TNKS: variants seen among roughly 807,000 people sequenced by gnomAD.
The protein encoded by TNKS is poly [ADP-ribose] polymerase tankyrase-1.
TNKS carries 72 observed loss-of-function variants against 135.8 expected under a neutral mutation model. The observed-to-expected ratio is 0.53, with a 90% CI of 0.44 to 0.64. The LOEUF (loss-of-function observed/expected upper bound fraction) is 0.64, where lower values mean the gene tolerates loss of function less well. Among genes scored for constraint, TNKS ranks in the 30% least tolerant of loss-of-function variants. TNKS has a pLI of 0.00. For synonymous variants in TNKS, 849 were observed against 649.3 expected (o/e 1.31, Z -4.68); for missense variants, 1,769 against 1,674.0 (o/e 1.06, Z -0.99).
intron 1 of TNKS, among the ~76,000 whole-genome samples, chr8:9,567,593 A>G (rs1446144773): frequency 2.0e-5 from 3 of 151,902 alleles, no homozygotes; most frequent in Non-Finnish European, 4.4e-5. Flanking sequence ...TTTTTTTTGT[A>G]TTTTTAGTAG....
In TNKS at chr8:9,779,044, G is replaced by A. The variant is rs1808357116; in HGVS notation, c.*2308G>A. 1 of 152,368 alleles carries A rather than the reference G, an allele frequency of 6.6e-6. No individual in the cohort carries two copies. The highest frequency in any genetic ancestry group is 1.5e-5 in the Non-Finnish European group (1 of 68,044). 9.4% of individuals were successfully genotyped at this position (152,368 alleles called of 1,614,324 possible). A position where few individuals can be genotyped will look rare whatever the true frequency, so the allele number is the denominator to read the frequency against. ...CTCATGCTCTGTGTGCCAGGTGAAG[G>A]TACTGTGTAAGGAAGACATTTGCGG... is the stretch of plus-strand genomic sequence containing the variant. On this transcript the variant is annotated 3_prime_UTR_variant, in exon 27 of 27. Coordinates refer to ENST00000310430, the MANE Select transcript of TNKS (RefSeq NM_003747.3).
intron 2 of TNKS, among the ~76,000 whole-genome samples, chr8:9,590,639 T>TG (rs1483316509): frequency 1.3e-5 from 2 of 152,206 alleles, no homozygotes; most frequent in African/African-American, 2.4e-5. Flanking sequence ...AACCTCAGTG[T>TG]GGTTTTAATT....
intron 2 of TNKS, among the ~76,000 whole-genome samples, chr8:9,600,456 G>A (rs1404000124): frequency 6.6e-6 from 1 of 151,978 alleles, no homozygotes; most frequent in African/African-American, 2.4e-5. Flanking sequence ...TGGGAGTACA[G>A]GTGCACACCA....
chr8:9,731,495 T>C (rs946155436), intron 14 of TNKS, among the ~76,000 whole-genome samples: 1 of 148,200 alleles, frequency 6.7e-6, no homozygotes, highest in Non-Finnish European at 1.5e-5. Flanking sequence ...CATAGAAATG[T>C]ACAGTATAGA....
chr8:9,564,106 A>T (rs1563381273), intron 1 of TNKS, among the ~76,000 whole-genome samples: 1 of 152,090 alleles, frequency 6.6e-6, no homozygotes, highest in Non-Finnish European at 1.5e-5. Context: ...CCTATGAGAC[A>T]TTTTTTCAGG....
rs1276453859 is a variant in TNKS, at chr8:9,781,880, G to C, written c.*5144G>C. The C allele has an allele frequency of 3.9e-5, 6 of 152,386 alleles. No homozygotes were observed. Among genetic ancestry groups the C allele is most frequent in the Admixed American group, 1.3e-4 (2 of 15,254 alleles). The allele number at this position is 152,386 out of a possible 1,614,324, so 9.4% of individuals were successfully genotyped here. A position where few individuals can be genotyped will look rare whatever the true frequency, so the allele number is the denominator to read the frequency against. ...TACAACCCCCTCTCCTTTCTTTTTT[G>C]TATTTATCTATTTGTAGGATTGTCA... is the stretch of plus-strand genomic sequence containing the variant. On this transcript the variant is annotated 3_prime_UTR_variant, in exon 27 of 27. Transcript: ENST00000310430.
chr8:9,650,584 CAT>C (rs765395301), intron 3 of TNKS, among the ~76,000 whole-genome samples: 6 of 152,142 alleles, frequency 3.9e-5, no homozygotes, highest in East Asian at 3.9e-4. Flanking sequence ...AGCATTTTTT[CAT>C]ATGTTTGTTG....
chr8:9,763,157 T>C lies in TNKS; in HGVS notation c.3285T>C (p.Pro1095=). 6.3e-7 allele frequency: 1 copy of C among 1,595,482 alleles called. No homozygotes were observed. The highest frequency in any genetic ancestry group is 8.6e-7 in the Non-Finnish European group (1 of 1,168,790). ...TTTTCTCTCCGACAGGCACCAATCC[T>C]TATTTGACTTTTCACTGTGTTAATC... ...RLLGGQQGTN[P]YLTFHCVNQG... Residue 1095 remains proline (P), a synonymous_variant, in exon 22 of 27, where the codon CCT becomes CCC. Coordinates refer to ENST00000310430, the MANE Select transcript of TNKS (RefSeq NM_003747.3).
chr8:9,767,224 CA>C (rs1345545945), intron 25 of TNKS, among the ~76,000 whole-genome samples: 1 of 152,082 alleles, frequency 6.6e-6, no homozygotes. Context: ...TAATAGCAAA[CA>C]AATGAATATT....
intron 7 of TNKS, 94 bp downstream of exon 7, chr8:9,706,347 G>A (rs1419218110): frequency 9.8e-7 from 1 of 1,016,588 alleles, no homozygotes; most frequent in Non-Finnish European, 1.4e-6. Flanking sequence ...ATGAAAGTTT[G>A]TTTAGTTCTT....
Position 9,748,152 on chromosome 8 carries a change from G to A in TNKS, c.2772G>A (p.Ala924=), listed in dbSNP as rs772935696. 1.9e-5 allele frequency: 30 copies of A among 1,613,874 alleles called. No individual in the cohort carries two copies. The highest frequency in any genetic ancestry group is 8.3e-5 in the Admixed American group (5 of 59,976). Residue 924 remains alanine, a synonymous_variant, in exon 18 of 27, where the codon GCG becomes GCA. Transcript: ENST00000310430. The part of the protein sequence containing the change: ...GRTQLCALLL[A]HGADPTMKNQ... ...CGCAGCTGTGCGCCCTCCTCCTAGC[G>A]CATGGTGCAGACCCCACCATGAAGA...
At chr8:9,639,760 G>C (rs1800653391) in intron 3 of TNKS, among the ~76,000 whole-genome samples, 1 of 152,084 alleles carries the variant, frequency 6.6e-6, no homozygotes, top group South Asian at 2.1e-4. Context: ...AAGTGTATTA[G>C]GGTGAAAGGG....
chr8:9,590,198 C>T (rs541605835), intron 2 of TNKS, among the ~76,000 whole-genome samples: 2 of 152,090 alleles, frequency 1.3e-5, no homozygotes, highest in African/African-American at 4.8e-5. Flanking sequence ...GTCTGGCTCC[C>T]GTCTACATCA....
intron 1 of TNKS, among the ~76,000 whole-genome samples, chr8:9,576,556 C>T (rs943155160): frequency 6.6e-6 from 1 of 151,158 alleles, no homozygotes; most frequent in South Asian, 2.1e-4. Flanking sequence ...CTGCAAGCTC[C>T]ACCTCCCTGT....
intron 26 of TNKS, 37 bp downstream of exon 26, chr8:9,770,299 A>C: frequency 6.3e-7 from 1 of 1,585,220 alleles, no homozygotes; most frequent in Non-Finnish European, 8.6e-7. Flanking sequence ...CCAAGTTCAC[A>C]AACATGTCAA....
In TNKS at chr8:9,765,721, G is replaced by A. The variant is rs1807400428; in HGVS notation, c.3477G>A (p.Arg1159=). Residue 1159 remains arginine (R), a synonymous_variant, in exon 24 of 27, where the codon AGG becomes AGA. Coordinates refer to ENST00000310430, the MANE Select transcript of TNKS (RefSeq NM_003747.3). ...RIQKVVNKKL[R]ERFCHRQKEV... ...AAAAAGTTGTCAACAAGAAGTTGAG[G>A]GAGCGGTTCTGCCACCGACAGAAGG... 6.2e-7 allele frequency: 1 copy of A among 1,613,734 alleles called. No individual in the cohort carries two copies. Among genetic ancestry groups the A allele is most frequent in the Non-Finnish European group, 8.5e-7 (1 of 1,179,884 alleles).
intron 2 of TNKS, among the ~76,000 whole-genome samples, chr8:9,592,743 TCTGA>T (rs750512972): frequency 3.9e-5 from 6 of 152,196 alleles, no homozygotes; most frequent in Non-Finnish European, 8.8e-5. Flanking sequence ...CTTGATTCTG[TCTGA>T]CTTTTTTTTA....
intron 20 of TNKS, among the ~76,000 whole-genome samples, chr8:9,754,443 A>C (rs1806728712): frequency 6.6e-6 from 1 of 152,140 alleles, no homozygotes; most frequent in Non-Finnish European, 1.5e-5. Flanking sequence ...GTTTGGAGTT[A>C]ACTTAAAAAC....
intron 3 of TNKS, among the ~76,000 whole-genome samples, chr8:9,633,988 C>G (rs1349381522): frequency 6.6e-6 from 1 of 151,752 alleles, no homozygotes; most frequent in Non-Finnish European, 1.5e-5. Flanking sequence ...AACATTCATT[C>G]TTTTAAGTTG....
Sources: gnomAD v4.1 joint callset for allele counts (sites outside exome capture counted in the v4.1 genomes callset) on GRCh38, gnomAD v4.1.1 for gene constraint, MANE v1.5 for transcripts, NCBI Gene and HGNC (gene_info 2026-07-23, HGNC 2026-07-21) for gene names.